The following PIGK variants were observed in gnomAD, a reference collection of about 807,000 sequenced individuals.
PIGK encodes the protein GPI-anchor transamidase.
A neutral mutation model predicts 50.6 loss-of-function variants in PIGK; 42 were observed. The observed-to-expected ratio is 0.83, with a 90% CI of 0.65 to 1.07. PIGK has a LOEUF of 1.07. PIGK is among the 50% of genes least tolerant of loss of function. PIGK has a pLI of 0.00. For missense variants in PIGK, 448 were observed against 488.7 expected, an observed-to-expected ratio of 0.92 and a Z score of 0.78; for synonymous variants, 151 against 156.0, an observed-to-expected ratio of 0.97 and a Z score of 0.24.
intron 6 of PIGK, among the ~76,000 whole-genome samples, 185 bp downstream of exon 6, chr1:77,163,661 A>C (rs1242833256): frequency 6.6e-6 from 1 of 152,198 alleles, no homozygotes; most frequent in Non-Finnish European, 1.5e-5. Context: ...CATGTTATAG[A>C]ATAACTCTCA....
chr1:77,206,738 T>C lies in PIGK; in HGVS notation c.148-7A>G, dbSNP rs1467170895. The C allele has an allele frequency of 1.3e-6, 2 of 1,575,524 alleles. No homozygotes were observed. The highest frequency in any genetic ancestry group is 1.1e-5 in the South Asian group (1 of 89,986). ...AGAATCGGGATGTACACACCTGAAG[T>C]ATTAAAACAAAAACAGAATTTTTAT... On this transcript the variant is annotated splice_polypyrimidine_tract_variant and splice_region_variant and intron_variant, in intron 2 of 10. Transcript: ENST00000370812.
At chr1:77,200,532 A>G (rs964119090) in intron 3 of PIGK, among the ~76,000 whole-genome samples, 25 of 152,166 alleles carry the variant, frequency 1.6e-4, no homozygotes, top group African/African-American at 5.8e-4. Flanking sequence ...ATAAAATGAG[A>G]CAATGTATAT....
At chr1:77,189,481 C>G (rs1317911381) in intron 3 of PIGK, among the ~76,000 whole-genome samples, 1 of 151,912 alleles carries the variant, frequency 6.6e-6, no homozygotes, top group Non-Finnish European at 1.5e-5. Context: ...AATCAGCTGC[C>G]AGGGTGGCTA....
chr1:77,195,374 A>G lies in PIGK; in HGVS notation c.239+11266T>C, dbSNP rs1656009943. 3.3e-6 allele frequency: 4 copies of G among 1,218,890 alleles called. No homozygotes were observed. In the Admixed American group the frequency reaches 5.5e-5, roughly 17 times the overall value. 75.5% of individuals were successfully genotyped at this position (1,218,890 alleles called of 1,614,324 possible). On this transcript the variant is annotated intron_variant, in intron 3 of 10. Coordinates refer to ENST00000370812, the MANE Select transcript of PIGK (RefSeq NM_005482.3). ...GAGGCACAGGCACTTCTCCAGGACTACATCAGCACGCAGAGTGCTAAGGAG... is the reference window on the plus strand; with the variant it reads ...GAGGCACAGGCACTTCTCCAGGACTGCATCAGCACGCAGAGTGCTAAGGAG...
intron 3 of PIGK, among the ~76,000 whole-genome samples, chr1:77,205,927 T>C (rs887503730): frequency 2.0e-5 from 3 of 152,066 alleles, no homozygotes; most frequent in Admixed American, 6.6e-5. Flanking sequence ...CCTTCCTATA[T>C]AGAGGCTAAT....
chr1:77,179,991 A>T (rs562055795), intron 3 of PIGK, among the ~76,000 whole-genome samples: 1 of 152,276 alleles, frequency 6.6e-6, no homozygotes, highest in Admixed American at 6.5e-5. Flanking sequence ...ATCTGCACTG[A>T]ATAAGCATCA....
intron 4 of PIGK, among the ~76,000 whole-genome samples, chr1:77,168,365 T>C (rs1655279105): frequency 6.6e-6 from 1 of 152,184 alleles, no homozygotes; most frequent in South Asian, 2.1e-4. Context: ...TGTAAACTGT[T>C]TGATTTACAT....
chr1:77,163,702 G>A (rs1655175822), intron 6 of PIGK, 144 bp downstream of exon 6: 1 of 577,622 alleles, frequency 1.7e-6, no homozygotes, highest in African/African-American at 2.0e-5. Flanking sequence ...CCAGTTCAGA[G>A]GAAATAACAA....
chr1:77,116,009 C>G (rs1182900372), intron 10 of PIGK, among the ~76,000 whole-genome samples: 1 of 152,096 alleles, frequency 6.6e-6, no homozygotes, highest in Non-Finnish European at 1.5e-5. Flanking sequence ...AGATATTTCT[C>G]CACCAAGACA....
Position 77,163,945 on chromosome 1 carries a change from T to C in PIGK, c.488-3A>G. ...TAAGAAACCATTTCCACCATGCCCT[T>C]GTATAAAGAGTAAAAAAGATCAATA... On this transcript the variant is annotated splice_polypyrimidine_tract_variant and splice_region_variant and intron_variant, in intron 5 of 10. Transcript: ENST00000370812. The C allele has an allele frequency of 1.9e-6, 3 of 1,542,596 alleles. No individual in the cohort carries two copies. The highest frequency in any genetic ancestry group is 1.1e-5 in the South Asian group (1 of 87,644).
chr1:77,155,983 G>C (rs1655000222), intron 8 of PIGK, among the ~76,000 whole-genome samples: 2 of 152,124 alleles, frequency 1.3e-5, no homozygotes. Flanking sequence ...AAGAGATTAA[G>C]TAATTTACCT....
At chr1:77,134,512 A>G (rs1557802210) in intron 9 of PIGK, among the ~76,000 whole-genome samples, 1 of 152,314 alleles carries the variant, frequency 6.6e-6, no homozygotes, top group Non-Finnish European at 1.5e-5. Context: ...GTCACCAAAA[A>G]TGTTGCTGGT....
chr1:77,136,528 C>T (rs1415300068), intron 9 of PIGK, among the ~76,000 whole-genome samples: 1 of 119,016 alleles, frequency 8.4e-6, no homozygotes, highest in Non-Finnish European at 1.7e-5. Context: ...CAGAGCGAGA[C>T]TCCGTCTCAA....
chr1:77,208,273 G>A (rs1318665298), intron 2 of PIGK, among the ~76,000 whole-genome samples: 2 of 151,898 alleles, frequency 1.3e-5, no homozygotes, highest in Non-Finnish European at 2.9e-5. Flanking sequence ...ATTTATTAAA[G>A]TTTCACTATA....
chr1:77,172,814 C>T (rs1299697445), intron 3 of PIGK, among the ~76,000 whole-genome samples: 1 of 152,038 alleles, frequency 6.6e-6, no homozygotes, highest in Non-Finnish European at 1.5e-5. Context: ...CTCCCAGCTA[C>T]TCGGGAGGCT....
chr1:77,117,277 T>A (rs1653999947), intron 10 of PIGK, among the ~76,000 whole-genome samples: 1 of 152,238 alleles, frequency 6.6e-6, no homozygotes. Context: ...AAGTAGCTTC[T>A]TGACAAAGGA....
intron 10 of PIGK, among the ~76,000 whole-genome samples, chr1:77,096,824 A>C (rs1189082983): frequency 6.6e-6 from 1 of 151,638 alleles, no homozygotes; most frequent in African/African-American, 2.4e-5. Flanking sequence ...CTGATCCTTT[A>C]TCACCATAAC....
intron 3 of PIGK, among the ~76,000 whole-genome samples, chr1:77,184,318 C>T (rs1655691905): frequency 6.6e-6 from 1 of 152,126 alleles, no homozygotes; most frequent in African/African-American, 2.4e-5. Context: ...ATTACAAAAA[C>T]AGAGAATCAT....
rs556021772 is a variant in PIGK, at chr1:77,107,624, G to A, written c.1071+14651C>T. The stretch of plus-strand genomic sequence containing the variant: ...TTAGGTCTGCTTGGTGCAGAGCTGA[G>A]TTCAATTCCTGGGTATCCTTGTTAA... On this transcript the variant is annotated intron_variant, in intron 10 of 10. Transcript: ENST00000370812. Among the ~76,000 whole-genome samples, 3 of 152,280 alleles carry A rather than the reference G, an allele frequency of 2.0e-5. No homozygotes were observed. The East Asian group carries it at 5.8e-4, about 29-fold the overall frequency.
Sources: gnomAD v4.1 joint callset for allele counts (sites outside exome capture counted in the v4.1 genomes callset) on GRCh38, gnomAD v4.1.1 for gene constraint, MANE v1.5 for transcripts, NCBI Gene and HGNC (gene_info 2026-07-23, HGNC 2026-07-21) for gene names.